Variants in PCSK2 observed in about 807,000 individuals in gnomAD.
The protein encoded by PCSK2 is neuroendocrine convertase 2.
PCSK2 carries 14 observed loss-of-function variants against 69.7 expected under a neutral mutation model. That is an observed-to-expected ratio of 0.20 (90% CI 0.13 to 0.31). The LOEUF is 0.31. Among genes scored for constraint, PCSK2 ranks in the 10% least tolerant of loss-of-function variants. The probability of loss-of-function intolerance (pLI) is 1.00; values close to 1 mark genes in which losing one functional copy is unlikely to be tolerated. For missense variants in PCSK2, 544 were observed against 842.5 expected (o/e 0.65, Z 4.39); for synonymous variants, 307 against 320.7 (o/e 0.96, Z 0.46).
At chr20:17,392,853 G>A (rs976488532) in intron 5 of PCSK2, among the ~76,000 whole-genome samples, 35 of 152,050 alleles carry the variant, frequency 2.3e-4, no homozygotes, top group African/African-American at 8.2e-4. Context: ...CTTTCAGTTT[G>A]GACGATTATA....
intron 11 of PCSK2, among the ~76,000 whole-genome samples, chr20:17,473,229 G>A (rs1243511892): frequency 1.3e-5 from 2 of 151,448 alleles, no homozygotes; most frequent in Admixed American, 6.6e-5. Context: ...GAGTAGCTGC[G>A]ATTACAGGTA....
At chr20:17,293,265 T>G (rs1242816257) in intron 2 of PCSK2, among the ~76,000 whole-genome samples, 1 of 152,202 alleles carries the variant, frequency 6.6e-6, no homozygotes, top group East Asian at 1.9e-4. Flanking sequence ...AAGAAGAAAC[T>G]CTCATAAAGA....
chr20:17,415,764 G>A (rs546597250), intron 6 of PCSK2, among the ~76,000 whole-genome samples: 2 of 152,236 alleles, frequency 1.3e-5, no homozygotes, highest in South Asian at 2.1e-4. Context: ...GAGGCATCAC[G>A]CTACCTGACT....
At chr20:17,280,355 T>G (rs969607819) in intron 2 of PCSK2, among the ~76,000 whole-genome samples, 2 of 152,242 alleles carry the variant, frequency 1.3e-5, no homozygotes, top group African/African-American at 4.8e-5. Context: ...ATTGCATGCT[T>G]CTTTGTGCAC....
At chr20:17,240,228 GT>G (rs1473380792) in intron 1 of PCSK2, among the ~76,000 whole-genome samples, 1 of 152,014 alleles carries the variant, frequency 6.6e-6, no homozygotes, top group Non-Finnish European at 1.5e-5. Context: ...ACATGGCCAA[GT>G]TTAGAGTCAG....
Position 17,475,721 on chromosome 20 carries a change from C to T in PCSK2, c.1431-5863C>T, listed in dbSNP as rs114513609. Among the ~76,000 whole-genome samples, 1,024 of 152,290 alleles carry T rather than the reference C, an allele frequency of 6.7e-3. 12 individuals carry two copies. The highest frequency in any genetic ancestry group is 0.024 in the African/African-American group (987 of 41,564). ...CCTGGGTGCAAATTGGGACAGAAAA[C>T]AAATTTTCTTAGAATTCAGCTGGTG... On this transcript the variant is annotated intron_variant, in intron 11 of 11. Coordinates refer to ENST00000262545, the MANE Select transcript of PCSK2 (RefSeq NM_002594.5).
intron 2 of PCSK2, among the ~76,000 whole-genome samples, chr20:17,289,173 C>A (rs1988614234): frequency 6.6e-6 from 1 of 152,168 alleles, no homozygotes; most frequent in African/African-American, 2.4e-5. Flanking sequence ...ACCTCTCAAA[C>A]TTTGCTCAAT....
intron 11 of PCSK2, among the ~76,000 whole-genome samples, chr20:17,480,862 C>T (rs1244631023): frequency 6.6e-6 from 1 of 152,190 alleles, no homozygotes; most frequent in Non-Finnish European, 1.5e-5. Context: ...AAGGTTAAAT[C>T]CCTGCCACCT....
At chr20:17,380,103 C>G (rs2123251192) in intron 5 of PCSK2, among the ~76,000 whole-genome samples, 1 of 152,318 alleles carries the variant, frequency 6.6e-6, no homozygotes, top group East Asian at 1.9e-4. Context: ...CCAGGTGAGA[C>G]CTTGAGCAAA....
intron 11 of PCSK2, among the ~76,000 whole-genome samples, chr20:17,474,373 G>A (rs2033255829): frequency 6.6e-6 from 1 of 152,172 alleles, no homozygotes; most frequent in Admixed American, 6.5e-5. Context: ...CTAGGAAAAT[G>A]TGTGATTCTT....
intron 10 of PCSK2, among the ~76,000 whole-genome samples, chr20:17,456,673 G>A (rs1000083493): frequency 5.3e-5 from 8 of 152,174 alleles, no homozygotes; most frequent in Non-Finnish European, 1.2e-4. Flanking sequence ...CACATTCCTG[G>A]GAGCACACAA....
At position 17,429,430 on chromosome 20, in the gene PCSK2, C is replaced by T. The variant is rs375475793; in HGVS notation, c.621-5C>T. The T allele has an allele frequency of 5.0e-6, 8 of 1,612,398 alleles. No homozygotes were observed. The highest frequency in any genetic ancestry group is 6.8e-6 in the Non-Finnish European group (8 of 1,178,572). ...TATCTAATGTGTCTTTATATTTTTC[C>T]AAAGCCACGGGACCCGATGTGCAGG... is the stretch of plus-strand genomic sequence containing the variant. On this transcript the variant is annotated splice_polypyrimidine_tract_variant and splice_region_variant and intron_variant, in intron 6 of 11. Coordinates refer to ENST00000262545, the MANE Select transcript of PCSK2 (RefSeq NM_002594.5).
At chr20:17,364,432 T>C (rs1048824313) in intron 4 of PCSK2, among the ~76,000 whole-genome samples, 1 of 152,226 alleles carries the variant, frequency 6.6e-6, no homozygotes, top group Admixed American at 6.5e-5. Flanking sequence ...AGAGGTTTAA[T>C]AGACTCACAG....
At chr20:17,480,628 T>G (rs2123426662) in intron 11 of PCSK2, among the ~76,000 whole-genome samples, 1 of 152,302 alleles carries the variant, frequency 6.6e-6, no homozygotes, top group African/African-American at 2.4e-5. Flanking sequence ...GAGACAAGAC[T>G]TGGGTGCTGA....
chr20:17,349,314 C>A lies in PCSK2; in HGVS notation c.283-9013C>A, dbSNP rs114824521. Among the ~76,000 whole-genome samples, 565 of 152,350 alleles carry A rather than the reference C, an allele frequency of 3.7e-3. 7 individuals carry two copies. Among genetic ancestry groups the A allele is most frequent in the African/African-American group, 0.013 (533 of 41,580 alleles). On this transcript the variant is annotated intron_variant, in intron 2 of 11. Transcript: ENST00000262545. ...TACACAGAAGGCAGCTGTGTGCCTA[C>A]AAAGAAGTCAAGCTATATTCCCCTT...
At chr20:17,229,272 G>T (rs573654407) in intron 1 of PCSK2, among the ~76,000 whole-genome samples, 3 of 151,896 alleles carry the variant, frequency 2.0e-5, no homozygotes, top group South Asian at 2.1e-4. Context: ...TCTTTCAGAA[G>T]TGAACCCATG....
intron 2 of PCSK2, among the ~76,000 whole-genome samples, chr20:17,264,957 G>A (rs957090212): frequency 2.0e-5 from 3 of 152,050 alleles, no homozygotes; most frequent in Middle Eastern, 3.4e-3. Flanking sequence ...TCTGCCTCCC[G>A]GGTTCAAGTG....
chr20:17,392,626 C>A (rs995977492), intron 5 of PCSK2, among the ~76,000 whole-genome samples: 1 of 152,178 alleles, frequency 6.6e-6, no homozygotes, highest in Non-Finnish European at 1.5e-5. Context: ...AACCACAGAT[C>A]TGCTTTTTAT....
intron 2 of PCSK2, among the ~76,000 whole-genome samples, chr20:17,338,323 A>G (rs1245280532): frequency 6.6e-6 from 1 of 151,988 alleles, no homozygotes; most frequent in Non-Finnish European, 1.5e-5. Context: ...CAGTCTCCTG[A>G]GTAGCTGGGA....
Sources: gnomAD v4.1 joint callset for allele counts (sites outside exome capture counted in the v4.1 genomes callset) on GRCh38, gnomAD v4.1.1 for gene constraint, MANE v1.5 for transcripts, NCBI Gene and HGNC (gene_info 2026-07-23, HGNC 2026-07-21) for gene names.